CEP128: variants seen among roughly 807,000 people sequenced by gnomAD.
The protein encoded by CEP128 is centrosomal protein 128.
CEP128 carries 132 observed loss-of-function variants against 156.7 expected under a neutral mutation model. That is an observed-to-expected ratio of 0.84 (90% confidence interval 0.73 to 0.97). The LOEUF (loss-of-function observed/expected upper bound fraction) is 0.97, where lower values mean the gene tolerates loss of function less well. Among genes scored for constraint, CEP128 ranks in the 50% least tolerant of loss-of-function variants. The pLI is 0.00. For missense variants in CEP128, 1,252 were observed against 1,281.9 expected, an observed-to-expected ratio of 0.98 and a Z score of 0.36; for synonymous variants, 469 against 448.9, an observed-to-expected ratio of 1.04 and a Z score of -0.57.
At chr14:80,838,765 A>G (rs886125746) in intron 10 of CEP128, among the ~76,000 whole-genome samples, 1 of 152,174 alleles carries the variant, frequency 6.6e-6, no homozygotes, top group East Asian at 1.9e-4. Context: ...TACATTCCTA[A>G]TATTTCTAAT....
intron 24 of CEP128, among the ~76,000 whole-genome samples, chr14:80,504,247 C>T (rs1411392496): frequency 6.6e-6 from 1 of 152,106 alleles, no homozygotes; most frequent in African/African-American, 2.4e-5. Context: ...CAGTGGTGAA[C>T]AAAACAGGCA....
intron 18 of CEP128, among the ~76,000 whole-genome samples, chr14:80,756,204 T>C (rs1485970403): frequency 6.6e-6 from 1 of 152,210 alleles, no homozygotes; most frequent in Non-Finnish European, 1.5e-5. Flanking sequence ...TCAGGTGGCA[T>C]AAATACAAAT....
intron 8 of CEP128, among the ~76,000 whole-genome samples, chr14:80,886,320 C>T (rs956035488): frequency 6.6e-6 from 1 of 152,054 alleles, no homozygotes; most frequent in Non-Finnish European, 1.5e-5. Flanking sequence ...CCCCAAGACA[C>T]AAAATTGTCA....
Position 80,596,845 on chromosome 14 carries a change from T to TGG in CEP128, c.2807-16424_2807-16423dup, listed in dbSNP as rs371897566. 9.5e-3 allele frequency among the ~76,000 whole-genome samples: 695 copies of TGG among 73,070 alleles called. 4 individuals are homozygous for TGG. Among genetic ancestry groups the TGG allele is most frequent in the Middle Eastern group, 0.014 (1 of 72 alleles). 47.9% of individuals were successfully genotyped at this position (73,070 alleles called of 152,430 possible). ...AAAAAAAAAAAAAAAAAAAAAAAGG[T>TGG]GGGGGGGGGAGGAAAAGAAAAAGAA... On this transcript the variant is annotated intron_variant, in intron 19 of 24. Transcript: ENST00000555265.
intron 19 of CEP128, among the ~76,000 whole-genome samples, chr14:80,670,128 T>C (rs1342612247): frequency 6.6e-6 from 1 of 152,156 alleles, no homozygotes; most frequent in Admixed American, 6.5e-5. Flanking sequence ...AAACCATTCA[T>C]GAGAAATCCA....
rs10672093 is a variant in CEP128 at position 80,732,471 on chromosome 14, GGTGTGTGTGTGTGTGTGT to G, written c.2806+10586_2806+10603del. ...TTCATCTGGCAGAACTGATTAAGCA[GGTGTGTGTGTGTGTGTGT>G]GTGTGTGTGTGTGTGTGTGTGTGTG... On this transcript the variant is annotated intron_variant, in intron 19 of 24. Transcript: ENST00000555265. Among the ~76,000 whole-genome samples, 42 of 127,728 alleles carry G rather than the reference GGTGTGTGTGTGTGTGTGT, an allele frequency of 3.3e-4. 1 individual carries two copies. The South Asian group carries it at 7.0e-3, about 21-fold the overall frequency. 83.8% of individuals were successfully genotyped at this position (127,728 alleles called of 152,430 possible).
chr14:80,676,164 T>C (rs1384812911), intron 19 of CEP128, among the ~76,000 whole-genome samples: 9 of 152,142 alleles, frequency 5.9e-5, no homozygotes, highest in Non-Finnish European at 1.2e-4. Flanking sequence ...ATCTCTATGA[T>C]ACACAGTCCT....
intron 9 of CEP128, among the ~76,000 whole-genome samples, chr14:80,850,092 A>G (rs1886812083): frequency 6.6e-6 from 1 of 152,146 alleles, no homozygotes; most frequent in Non-Finnish European, 1.5e-5. Context: ...AAAAACCTGT[A>G]ATCCTGAAGA....
chr14:80,516,413 C>T (rs1034669016), intron 23 of CEP128, among the ~76,000 whole-genome samples: 13 of 152,124 alleles, frequency 8.5e-5, no homozygotes, highest in African/African-American at 3.1e-4. Flanking sequence ...CCTGGAGCTG[C>T]GAGCTGTATT....
At chr14:80,959,087 G>A (rs1202520754) in intron 1 of CEP128, among the ~76,000 whole-genome samples, 2 of 152,122 alleles carry the variant, frequency 1.3e-5, no homozygotes, top group Non-Finnish European at 2.9e-5. Flanking sequence ...CAGCCCCGTG[G>A]TCTTATGGAT....
chr14:80,821,541 G>C (rs1885170349), intron 13 of CEP128, among the ~76,000 whole-genome samples: 1 of 150,116 alleles, frequency 6.7e-6, no homozygotes, highest in Non-Finnish European at 1.5e-5. Flanking sequence ...ATAATAAAAA[G>C]TTATCAATAC....
At chr14:80,614,608 T>C (rs1391743207) in intron 19 of CEP128, among the ~76,000 whole-genome samples, 1 of 152,206 alleles carries the variant, frequency 6.6e-6, no homozygotes, top group African/African-American at 2.4e-5. Context: ...AAAAACCCTG[T>C]CCCACCCAGG....
At chr14:80,908,113 T>G (rs1883995000) in intron 4 of CEP128, among the ~76,000 whole-genome samples, 1 of 152,216 alleles carries the variant, frequency 6.6e-6, no homozygotes, top group South Asian at 2.1e-4. Context: ...ATTTTTAAGA[T>G]TTTCTCTTTA....
chr14:80,509,476 A>G (rs1888143511), intron 23 of CEP128, among the ~76,000 whole-genome samples: 1 of 152,212 alleles, frequency 6.6e-6, no homozygotes, highest in South Asian at 2.1e-4. Flanking sequence ...CTGTTTTAAA[A>G]TCAAATTATT....
Position 80,812,865 on chromosome 14 carries a change from T to G in CEP128, c.1209+18278A>C, listed in dbSNP as rs1050978947. Among the ~76,000 whole-genome samples, 12 of 151,838 alleles carry G rather than the reference T, an allele frequency of 7.9e-5. No homozygotes were observed. The East Asian group carries it at 2.1e-3, about 27-fold the overall frequency. On this transcript the variant is annotated intron_variant, in intron 13 of 24. Coordinates refer to ENST00000555265, the MANE Select transcript of CEP128 (RefSeq NM_152446.5). ...AGCGTGAGCCACCGCGCCCGGCCTG[T>G]TTTTGTCTGTTTGTTTGTTTTTTTA... is the stretch of plus-strand genomic sequence containing the variant.
At chr14:80,648,914 A>G (rs1232033471) in intron 19 of CEP128, among the ~76,000 whole-genome samples, 1 of 152,126 alleles carries the variant, frequency 6.6e-6, no homozygotes, top group Non-Finnish European at 1.5e-5. Context: ...GCAGGTTTAC[A>G]GTAAGGTATA....
intron 23 of CEP128, among the ~76,000 whole-genome samples, chr14:80,523,738 T>C (rs760766501): frequency 6.6e-6 from 1 of 152,206 alleles, no homozygotes. Flanking sequence ...TATTATGACT[T>C]TCCAAAGAGC....
At chr14:80,888,548 G>C (rs1364965502) in intron 8 of CEP128, among the ~76,000 whole-genome samples, 1 of 152,160 alleles carries the variant, frequency 6.6e-6, no homozygotes, top group Non-Finnish European at 1.5e-5. Flanking sequence ...TATCTCAATA[G>C]ATGCAGAAAA....
chr14:80,939,219 T>C (rs879794511), intron 2 of CEP128, among the ~76,000 whole-genome samples, 166 bp downstream of exon 2: 1 of 152,262 alleles, frequency 6.6e-6, no homozygotes, highest in Non-Finnish European at 1.5e-5. Flanking sequence ...TTTGTTCATC[T>C]GAATTTTTGC....
Sources: allele counts gnomAD v4.1 joint callset (sites outside exome capture counted in the v4.1 genomes callset), GRCh38; gene constraint gnomAD v4.1.1; transcripts MANE v1.5; gene names NCBI Gene and HGNC (gene_info 2026-07-23, HGNC 2026-07-21).